The following SLCO5A1 variants were observed in gnomAD, a reference collection of about 807,000 sequenced individuals.
SLCO5A1 encodes the protein solute carrier organic anion transporter family member 5A1, also known as organic anion transporter polypeptide-related protein 4.
SLCO5A1 carries 39 observed loss-of-function variants against 65.1 expected under a neutral mutation model. The observed-to-expected ratio is 0.60, with a 90% confidence interval of 0.46 to 0.78. SLCO5A1 has a LOEUF of 0.78. Among genes scored for constraint, SLCO5A1 ranks in the 30% least tolerant of loss-of-function variants. The pLI is 0.00. For synonymous variants in SLCO5A1, 438 were observed against 415.7 expected (o/e 1.05, Z -0.65); for missense variants, 1,029 against 1,069.4 (o/e 0.96, Z 0.53).
intron 4 of SLCO5A1, 51 bp downstream of exon 4, chr8:69,755,373 T>C: frequency 6.7e-7 from 1 of 1,485,358 alleles, no homozygotes; most frequent in Non-Finnish European, 9.4e-7. Context: ...ACACTATGAG[T>C]AGCACTGATC....
intron 5 of SLCO5A1, among the ~76,000 whole-genome samples, chr8:69,736,510 G>A (rs951325328): frequency 1.3e-5 from 2 of 152,192 alleles, no homozygotes; most frequent in African/African-American, 4.8e-5. Flanking sequence ...CCCTAGTCTG[G>A]CTGGAACTGG....
intron 3 of SLCO5A1, among the ~76,000 whole-genome samples, chr8:69,758,874 T>C (rs1284625528): frequency 6.6e-6 from 1 of 152,180 alleles, no homozygotes; most frequent in Non-Finnish European, 1.5e-5. Context: ...TCAGAGACCA[T>C]TCACTAAGGG....
chr8:69,748,987 AGCTTTCAAT>A (rs1179264478), intron 4 of SLCO5A1, among the ~76,000 whole-genome samples: 2 of 152,210 alleles, frequency 1.3e-5, no homozygotes, highest in East Asian at 3.8e-4. Context: ...TTCAAGCAGC[AGCTTTCAAT>A]AAAACTGCAA....
chr8:69,793,263 C>A (rs948999459), intron 2 of SLCO5A1, among the ~76,000 whole-genome samples: 1 of 151,956 alleles, frequency 6.6e-6, no homozygotes, highest in African/African-American at 2.4e-5. Flanking sequence ...GGATTACAGG[C>A]GTGAGCCATT....
At chr8:69,693,027 CA>C (rs558178740) in intron 6 of SLCO5A1, among the ~76,000 whole-genome samples, 243 of 152,278 alleles carry the variant, frequency 1.6e-3, no homozygotes, top group African/African-American at 5.4e-3. Context: ...TTCTTTACAC[CA>C]GCATCACTCC....
At chr8:69,796,929 TA>T (rs1417330691) in intron 2 of SLCO5A1, among the ~76,000 whole-genome samples, 1 of 152,202 alleles carries the variant, frequency 6.6e-6, no homozygotes, top group Non-Finnish European at 1.5e-5. Context: ...TAGTTTCTAA[TA>T]AGTTCCTTAT....
In SLCO5A1 at chr8:69,679,468, C is replaced by T; in HGVS notation, c.1934G>A (p.Cys645Tyr). Residue 645 changes from cysteine (C) to tyrosine (Y), a missense_variant, in exon 8 of 10, where the codon TGC becomes TAC. By Grantham distance (194) the Cys-to-Tyr change is radical. This residue lies in a region of SLCO5A1 where 124 missense variants were observed against 184.5 expected (regional missense o/e 0.67). Transcript: ENST00000260126. The stretch of plus-strand genomic sequence containing the variant: ...AACTAAGAATGGGATAAGAGTATTG[C>T]AGGTCCGTTTACATTTCCCAGACAC... ...YAVSGKCKRT[C>Y]NTLIPFLVFL... 11 of 1,614,210 alleles carry T rather than the reference C, an allele frequency of 6.8e-6. No homozygotes were observed. Among genetic ancestry groups the T allele is most frequent in the Non-Finnish European group, 9.3e-6 (11 of 1,180,042 alleles).
chr8:69,829,708 G>A (rs1821080213), intron 2 of SLCO5A1, among the ~76,000 whole-genome samples: 1 of 152,126 alleles, frequency 6.6e-6, no homozygotes, highest in Non-Finnish European at 1.5e-5. Context: ...ACTTTCAGAG[G>A]ACAATTGAGG....
Position 69,692,762 on chromosome 8 carries a change from C to T in SLCO5A1, c.1623-10419G>A, listed in dbSNP as rs78055773. On this transcript the variant is annotated intron_variant, in intron 6 of 9. Transcript: ENST00000260126. The stretch of plus-strand genomic sequence containing the variant: ...CCCATATCTTGTCTCAAGATCTTCA[C>T]GGACCATAACATGCATGGAGCTGTC... Among the ~76,000 whole-genome samples, 971 of 152,252 alleles carry T rather than the reference C, an allele frequency of 6.4e-3. 7 individuals are homozygous for T. The highest frequency in any genetic ancestry group is 7.7e-3 in the Non-Finnish European group (522 of 68,026).
intron 6 of SLCO5A1, among the ~76,000 whole-genome samples, chr8:69,692,498 A>AT (rs1293891298): frequency 1.3e-5 from 2 of 152,076 alleles, no homozygotes; most frequent in Non-Finnish European, 2.9e-5. Context: ...GCTTACTATA[A>AT]TTTTTTTACT....
chr8:69,732,992 C>A (rs933587443), intron 5 of SLCO5A1, among the ~76,000 whole-genome samples: 3 of 151,524 alleles, frequency 2.0e-5, no homozygotes, highest in African/African-American at 7.3e-5. Flanking sequence ...TTACTTAAAC[C>A]CTTCTGGCCC....
chr8:69,834,040 G>A (rs1821302021), intron 1 of SLCO5A1: 1 of 153,034 alleles, frequency 6.5e-6, no homozygotes, highest in African/African-American at 2.4e-5. Context: ...TATTGACTGA[G>A]CGCACCCCGC....
rs1334895458 is a variant in SLCO5A1, at chr8:69,753,972, C to T, written c.1258+1452G>A. Among the ~76,000 whole-genome samples the T allele has an allele frequency of 2.2e-5, 3 of 134,574 alleles. No homozygotes were observed. The Admixed American group carries it at 2.4e-4, about 11-fold the overall frequency. 88.3% of individuals were successfully genotyped at this position (134,574 alleles called of 152,430 possible). Reference sequence around the variant, plus strand: ...CAGAGATTGCAGTAAGTGGAGATCACACCACTGCACTCCAGCCTGGGTGAC... The same window carrying T: ...CAGAGATTGCAGTAAGTGGAGATCATACCACTGCACTCCAGCCTGGGTGAC... On this transcript the variant is annotated intron_variant, in intron 4 of 9. Transcript: ENST00000260126.
chr8:69,728,870 A>C (rs1417798454), intron 5 of SLCO5A1, among the ~76,000 whole-genome samples: 1 of 152,206 alleles, frequency 6.6e-6, no homozygotes, highest in African/African-American at 2.4e-5. Flanking sequence ...TTTTTTAATT[A>C]GAAAAAGTCC....
In SLCO5A1 at chr8:69,825,818, C is replaced by T. The variant is rs1192620892; in HGVS notation, c.907+5949G>A. Reference sequence around the variant, plus strand: ...TGGAACCAAAAAAGAGCCCACATTGCCAAGTCAATCCTAAGCCAAAAGAAC... The same window carrying T: ...TGGAACCAAAAAAGAGCCCACATTGTCAAGTCAATCCTAAGCCAAAAGAAC... On this transcript the variant is annotated intron_variant, in intron 2 of 9. Transcript: ENST00000260126. 2.7e-5 allele frequency among the ~76,000 whole-genome samples: 4 copies of T among 150,160 alleles called. No individual in the cohort carries two copies. In the East Asian group the frequency reaches 5.8e-4, roughly 22 times the overall value.
chr8:69,752,880 A>G (rs1318517087), intron 4 of SLCO5A1, among the ~76,000 whole-genome samples: 1 of 152,206 alleles, frequency 6.6e-6, no homozygotes, highest in Non-Finnish European at 1.5e-5. Context: ...ATCAGAACAT[A>G]AACAGATTTT....
At position 69,738,140 on chromosome 8, in the gene SLCO5A1, G is replaced by A; in HGVS notation, c.1323C>T (p.Tyr441=). 1 of 1,613,846 alleles carries A rather than the reference G, an allele frequency of 6.2e-7. No individual in the cohort carries two copies. The highest frequency in any genetic ancestry group is 8.5e-7 in the Non-Finnish European group (1 of 1,179,832). ...NMTFLFVSLS[Y]TAESAIVTAF... ...CAGTTACAATGGCACTCTCAGCTGTGTATGACAAACTCACAAAAAGGAATG... is the reference window on the plus strand; with the variant it reads ...CAGTTACAATGGCACTCTCAGCTGTATATGACAAACTCACAAAAAGGAATG... The change falls in exon 5 of 10, where the codon TAC becomes TAT. Residue 441 remains tyrosine (Y), a synonymous_variant. Coordinates refer to ENST00000260126, the MANE Select transcript of SLCO5A1 (RefSeq NM_030958.3).
chr8:69,690,179 G>T (rs1410353238), intron 6 of SLCO5A1, among the ~76,000 whole-genome samples: 2 of 146,028 alleles, frequency 1.4e-5, no homozygotes, highest in Non-Finnish European at 1.5e-5. Context: ...CCTTGGCTGT[G>T]GTTTCGCTGG....
intron 2 of SLCO5A1, among the ~76,000 whole-genome samples, chr8:69,808,554 T>C (rs1586822857): frequency 6.6e-6 from 1 of 152,328 alleles, no homozygotes; most frequent in East Asian, 1.9e-4. Context: ...ACATTTTCTT[T>C]ATCCAGTCTA....
Sources: gnomAD v4.1 joint callset for allele counts (sites outside exome capture counted in the v4.1 genomes callset) on GRCh38, gnomAD v4.1.1 for gene constraint, gnomAD v4.1.1 regional missense constraint, MANE v1.5 for transcripts, NCBI Gene and HGNC (gene_info 2026-07-23, HGNC 2026-07-21) for gene names.